Variants in NEDD4 observed in about 807,000 individuals in gnomAD.
NEDD4 encodes E3 ubiquitin-protein ligase NEDD4.
Under a neutral mutation model 144.9 loss-of-function variants are expected in NEDD4, and 99 were observed. The observed-to-expected ratio is 0.68, with a 90% CI of 0.58 to 0.81. The LOEUF (loss-of-function observed/expected upper bound fraction) is 0.81, where lower values mean the gene tolerates loss of function less well. Among genes scored for constraint, NEDD4 ranks in the 30% least tolerant of loss-of-function variants. The pLI is 0.00. For missense variants in NEDD4, 985 were observed against 1,065.9 expected, an observed-to-expected ratio of 0.92 and a Z score of 1.06; for synonymous variants, 318 against 350.6, an observed-to-expected ratio of 0.91 and a Z score of 1.04.
Position 55,872,418 on chromosome 15 carries a change from C to T in NEDD4, c.401G>A (p.Arg134Lys). Residue 134 changes from arginine to lysine, a missense_variant, in exon 7 of 29, where the codon AGA becomes AAA. By Grantham distance (26) the Arg-to-Lys change is conservative. Transcript: ENST00000435532. The stretch of plus-strand genomic sequence containing the variant: ...TTATTATTTTATATTTACTGACCTT[C>T]TTGGATGAAGAACAAAATCCTTAAA... ...YTFKDFVLHP[R>K]SHKSRVKGYL... 6.9e-7 allele frequency: 1 copy of T among 1,440,068 alleles called. No homozygotes were observed. Among genetic ancestry groups the T allele is most frequent in the Non-Finnish European group, 9.4e-7 (1 of 1,067,606 alleles). 89.2% of individuals were successfully genotyped at this position (1,440,068 alleles called of 1,614,324 possible).
chr15:55,879,720 A>G (rs977841654), intron 5 of NEDD4, among the ~76,000 whole-genome samples: 1 of 152,216 alleles, frequency 6.6e-6, no homozygotes, highest in Admixed American at 6.5e-5. Context: ...GGCTGCAAAA[A>G]AGAAGCAATT....
At chr15:55,868,878 T>C (rs1260798813) in intron 8 of NEDD4, among the ~76,000 whole-genome samples, 1 of 152,194 alleles carries the variant, frequency 6.6e-6, no homozygotes, top group Non-Finnish European at 1.5e-5. Context: ...GATGCCATCC[T>C]GTCACTCTGC....
intron 5 of NEDD4, among the ~76,000 whole-genome samples, chr15:55,875,610 G>A (rs2034966982): frequency 6.6e-6 from 1 of 151,986 alleles, no homozygotes; most frequent in African/African-American, 2.4e-5. Flanking sequence ...TAGCCACCAC[G>A]GCCGGCCAGA....
intron 2 of NEDD4, among the ~76,000 whole-genome samples, chr15:55,965,610 G>A (rs2037498732): frequency 6.6e-6 from 1 of 151,990 alleles, no homozygotes; most frequent in Non-Finnish European, 1.5e-5. Context: ...TCAACAATTG[G>A]AAATATTATT....
intron 12 of NEDD4, among the ~76,000 whole-genome samples, chr15:55,852,952 A>G (rs1209810174): frequency 2.6e-5 from 4 of 151,834 alleles, no homozygotes; most frequent in Non-Finnish European, 5.9e-5. Context: ...GTTTCACCAT[A>G]TTGGCCAGGC....
intron 5 of NEDD4, among the ~76,000 whole-genome samples, chr15:55,903,792 TCCAGCCTGGGTGACAGAGTGAGA>T: frequency 7.2e-6 from 1 of 138,250 alleles, no homozygotes; most frequent in South Asian, 2.3e-4. Context: ...GCCACTGCAC[TCCAGCCTGGGTGACAGAGTGAGA>T]CTCCATCTCA....
chr15:55,945,102 TCTC>T (rs1242514617), intron 4 of NEDD4, among the ~76,000 whole-genome samples: 4 of 151,924 alleles, frequency 2.6e-5, no homozygotes, highest in Admixed American at 2.0e-4. Context: ...GAGCGCATCT[TCTC>T]CTCCAAAGGA....
intron 9 of NEDD4, among the ~76,000 whole-genome samples, chr15:55,862,275 A>G (rs1259126078): frequency 1.3e-5 from 2 of 152,166 alleles, no homozygotes; most frequent in Admixed American, 6.6e-5. Flanking sequence ...AGACTAAAGG[A>G]AGACTTTATA....
chr15:55,872,409 A>G lies in NEDD4; in HGVS notation c.404+6T>C. Reference sequence around the variant, plus strand: ...AATATGCTATTATTATTTTATATTTACTGACCTTCTTGGATGAAGAACAAA... The same window carrying G: ...AATATGCTATTATTATTTTATATTTGCTGACCTTCTTGGATGAAGAACAAA... On this transcript the variant is annotated splice_donor_region_variant and intron_variant, in intron 7 of 28. Transcript: ENST00000435532. The G allele has an allele frequency of 7.3e-7, 1 of 1,373,004 alleles. No homozygotes were observed. The highest frequency in any genetic ancestry group is 9.9e-7 in the Non-Finnish European group (1 of 1,010,028). The allele number at this position is 1,373,004 out of a possible 1,614,324, so 85.1% of individuals were successfully genotyped here.
chr15:55,842,827 C>T (rs1443351109), intron 18 of NEDD4, among the ~76,000 whole-genome samples: 4 of 152,210 alleles, frequency 2.6e-5, no homozygotes, highest in African/African-American at 9.7e-5. Flanking sequence ...AGGCTTTTCC[C>T]TACCTCTACT....
chr15:55,916,619 T>A, intron 5 of NEDD4: 2 of 1,614,046 alleles, frequency 1.2e-6, no homozygotes, highest in Non-Finnish European at 1.7e-6. Flanking sequence ...GAACAGATGA[T>A]CTTTCTTGAG....
chr15:55,954,504 A>G (rs1381951235), intron 2 of NEDD4, among the ~76,000 whole-genome samples: 4 of 152,032 alleles, frequency 2.6e-5, no homozygotes, highest in Non-Finnish European at 1.5e-5. Context: ...TGAACAATAC[A>G]CAGACACTGT....
intron 24 of NEDD4, among the ~76,000 whole-genome samples, chr15:55,835,472 C>A (rs1407858965): frequency 7.2e-6 from 1 of 138,828 alleles, no homozygotes; most frequent in Non-Finnish European, 1.5e-5. Flanking sequence ...TATAAACCAT[C>A]CATTCAAAAC....
At chr15:55,888,306 C>T (rs1247392862) in intron 5 of NEDD4, among the ~76,000 whole-genome samples, 2 of 152,114 alleles carry the variant, frequency 1.3e-5, no homozygotes, top group African/African-American at 4.8e-5. Flanking sequence ...AATTAACATA[C>T]AAATATCAGT....
At chr15:55,944,550 T>A (rs895506155) in intron 4 of NEDD4, among the ~76,000 whole-genome samples, 2 of 152,200 alleles carry the variant, frequency 1.3e-5, no homozygotes, top group Admixed American at 1.3e-4. Context: ...ACTCAACCTC[T>A]GTGAGCAGGG....
intron 1 of NEDD4, among the ~76,000 whole-genome samples, chr15:55,991,144 A>C (rs2037983430): frequency 6.6e-6 from 1 of 152,200 alleles, no homozygotes; most frequent in South Asian, 2.1e-4. Context: ...TTTAGTTTCA[A>C]ATTTAAAATA....
intron 1 of NEDD4, among the ~76,000 whole-genome samples, chr15:55,982,670 T>C (rs905486003): frequency 6.6e-6 from 1 of 152,234 alleles, no homozygotes; most frequent in Non-Finnish European, 1.5e-5. Flanking sequence ...TGGCTTTACA[T>C]GTTGAAAATC....
chr15:55,988,625 C>G (rs1321288776), intron 1 of NEDD4, among the ~76,000 whole-genome samples: 3 of 151,632 alleles, frequency 2.0e-5, no homozygotes, highest in African/African-American at 7.3e-5. Flanking sequence ...TTATTAGTAA[C>G]ATTTATCAAA....
chr15:55,905,771 T>C (rs769770919), intron 5 of NEDD4, among the ~76,000 whole-genome samples: 55 of 152,298 alleles, frequency 3.6e-4, no homozygotes, highest in South Asian at 2.7e-3. Flanking sequence ...TTCTGGATAT[T>C]AGCTCTTTGT....
Sources: allele counts gnomAD v4.1 joint callset (sites outside exome capture counted in the v4.1 genomes callset), GRCh38; gene constraint gnomAD v4.1.1; transcripts MANE v1.5; gene names NCBI Gene and HGNC (gene_info 2026-07-23, HGNC 2026-07-21).